The following NT5DC1 variants were observed in gnomAD, a reference collection of about 807,000 sequenced individuals.
The protein encoded by NT5DC1 is 5'-nucleotidase domain-containing protein 1.
A neutral mutation model predicts 59.4 loss-of-function variants in NT5DC1; 42 were observed. The observed-to-expected ratio is 0.71, with a 90% CI of 0.55 to 0.92. The LOEUF (loss-of-function observed/expected upper bound fraction) is 0.92. Among genes scored for constraint, NT5DC1 ranks in the 40% least tolerant of loss-of-function variants. NT5DC1 has a pLI of 0.00. For missense variants in NT5DC1, 501 were observed against 537.1 expected, an observed-to-expected ratio of 0.93 and a Z score of 0.66; for synonymous variants, 172 against 188.1, an observed-to-expected ratio of 0.91 and a Z score of 0.70.
At chr6:116,184,271 T>A (rs1780945770) in intron 6 of NT5DC1, among the ~76,000 whole-genome samples, 1 of 152,100 alleles carries the variant, frequency 6.6e-6, no homozygotes, top group African/African-American at 2.4e-5. Context: ...TGATTGATAA[T>A]CTTTTTGACA....
Position 116,244,045 on chromosome 6 carries a change from A to G in NT5DC1, c.*21A>G, listed in dbSNP as rs1473420041. On this transcript the variant is annotated 3_prime_UTR_variant, in exon 12 of 12. Transcript: ENST00000319550. The stretch of plus-strand genomic sequence containing the variant: ...AATAAGTTGTCTTTACTGAAAAATG[A>G]AGTGAAGACCCATATATGCAGTTAA... 18 of 989,226 alleles carry G rather than the reference A, an allele frequency of 1.8e-5. 1 individual carries two copies. In the East Asian group the frequency reaches 4.4e-4, roughly 24 times the overall value. The allele number at this position is 989,226 out of a possible 1,614,324, so 61.3% of individuals were successfully genotyped here.
chr6:116,244,855 AG>A lies in NT5DC1; in HGVS notation c.*833del, dbSNP rs1304562048. The A allele has an allele frequency of 6.6e-6, 1 of 152,214 alleles. No homozygotes were observed. Among genetic ancestry groups the A allele is most frequent in the Non-Finnish European group, 1.5e-5 (1 of 68,028 alleles). The allele number at this position is 152,214 out of a possible 1,614,324, so 9.4% of individuals were successfully genotyped here. A position where few individuals can be genotyped will look rare whatever the true frequency, so the allele number is the denominator to read the frequency against. On this transcript the variant is annotated 3_prime_UTR_variant, in exon 12 of 12. Coordinates refer to ENST00000319550, the MANE Select transcript of NT5DC1 (RefSeq NM_152729.3). ...CTAGGTTTTTTTCTAATAATGTTAA[AG>A]GCTATTTAATTTATTTAATCAACTT...
At chr6:116,215,517 T>C (rs1158691805) in intron 6 of NT5DC1, among the ~76,000 whole-genome samples, 1 of 152,120 alleles carries the variant, frequency 6.6e-6, no homozygotes, top group African/African-American at 2.4e-5. Flanking sequence ...CCAGATATTA[T>C]TGTATGTGAT....
intron 6 of NT5DC1, among the ~76,000 whole-genome samples, chr6:116,163,443 G>C (rs958263695): frequency 6.6e-6 from 1 of 151,790 alleles, no homozygotes; most frequent in African/African-American, 2.4e-5. Context: ...ATGATGTTTC[G>C]TATTTCTGTG....
At position 116,151,082 on chromosome 6, in the gene NT5DC1, A is replaced by G. The variant is rs184831430; in HGVS notation, c.529+33137A>G. ...TCTCTGAGTTTTTATTTTTTTGTGAATTTGCTCAGGGATTAGAATTTGCAG... is the reference window on the plus strand; with the variant it reads ...TCTCTGAGTTTTTATTTTTTTGTGAGTTTGCTCAGGGATTAGAATTTGCAG... On this transcript the variant is annotated intron_variant, in intron 6 of 11. Transcript: ENST00000319550. Among the ~76,000 whole-genome samples, 594 of 152,058 alleles carry G rather than the reference A, an allele frequency of 3.9e-3. 3 individuals are homozygous for G. The highest frequency in any genetic ancestry group is 6.4e-3 in the Admixed American group (98 of 15,254).
intron 5 of NT5DC1, among the ~76,000 whole-genome samples, 186 bp downstream of exon 5, chr6:116,115,956 T>A (rs1778955362): frequency 6.7e-6 from 1 of 148,836 alleles, no homozygotes; most frequent in Admixed American, 6.7e-5. Flanking sequence ...AGCAGTGACC[T>A]TTTTTTTTTC....
At chr6:116,114,194 A>G (rs551198290) in intron 4 of NT5DC1, among the ~76,000 whole-genome samples, 1 of 152,326 alleles carries the variant, frequency 6.6e-6, no homozygotes, top group South Asian at 2.1e-4. Context: ...AATATTTTTA[A>G]CTGAGAGAAT....
chr6:116,143,020 G>A (rs1261715674), intron 6 of NT5DC1, among the ~76,000 whole-genome samples: 2 of 152,164 alleles, frequency 1.3e-5, no homozygotes, highest in Non-Finnish European at 2.9e-5. Context: ...TTATTTGGAA[G>A]AAGACTATGG....
chr6:116,163,081 C>G (rs573139203), intron 6 of NT5DC1, among the ~76,000 whole-genome samples: 13 of 141,396 alleles, frequency 9.2e-5, no homozygotes, highest in Non-Finnish European at 1.9e-4. Flanking sequence ...GAGCCGAGAT[C>G]GTGCCACTGC....
chr6:116,224,979 T>C (rs1781879629), intron 8 of NT5DC1, among the ~76,000 whole-genome samples: 1 of 152,102 alleles, frequency 6.6e-6, no homozygotes, highest in African/African-American at 2.4e-5. Context: ...TACATTTAAA[T>C]ACATTATGGA....
chr6:116,238,401 G>A (rs1474508897), intron 10 of NT5DC1, 53 bp downstream of exon 10: 2 of 1,311,464 alleles, frequency 1.5e-6, no homozygotes, highest in East Asian at 5.5e-5. Flanking sequence ...ATGTTTGAAA[G>A]CTAAAGTATC....
At chr6:116,183,182 G>A (rs1221312106) in intron 6 of NT5DC1, among the ~76,000 whole-genome samples, 3 of 152,046 alleles carry the variant, frequency 2.0e-5, no homozygotes, top group Admixed American at 1.3e-4. Flanking sequence ...TCAGTAGGCT[G>A]TAAGTATTTG....
At chr6:116,225,933 G>A (rs1781897945) in intron 8 of NT5DC1, among the ~76,000 whole-genome samples, 1 of 152,152 alleles carries the variant, frequency 6.6e-6, no homozygotes, top group Non-Finnish European at 1.5e-5. Context: ...CGCAACTTTG[G>A]AGGGGGGTGG....
intron 6 of NT5DC1, among the ~76,000 whole-genome samples, chr6:116,209,111 T>G (rs1282211165): frequency 6.6e-6 from 1 of 152,022 alleles, no homozygotes; most frequent in African/African-American, 2.4e-5. Flanking sequence ...GCATTATATA[T>G]AACTAATTGT....
intron 11 of NT5DC1, among the ~76,000 whole-genome samples, chr6:116,239,972 T>C (rs889429306): frequency 2.6e-5 from 4 of 152,156 alleles, no homozygotes; most frequent in Non-Finnish European, 4.4e-5. Flanking sequence ...AATTTAAATA[T>C]TTAAAAAATG....
chr6:116,109,651 T>C (rs956602736), intron 3 of NT5DC1, among the ~76,000 whole-genome samples: 7 of 152,226 alleles, frequency 4.6e-5, no homozygotes, highest in East Asian at 3.8e-4. Flanking sequence ...TGTAGTAGAT[T>C]CCTTTTCTGA....
At chr6:116,234,111 C>T (rs1416227747) in intron 8 of NT5DC1, among the ~76,000 whole-genome samples, 1 of 151,148 alleles carries the variant, frequency 6.6e-6, no homozygotes, top group East Asian at 2.0e-4. Context: ...CAGGCACGCA[C>T]CACCATGCCC....
intron 6 of NT5DC1, among the ~76,000 whole-genome samples, chr6:116,130,212 G>A (rs915513524): frequency 3.9e-5 from 6 of 152,112 alleles, no homozygotes; most frequent in Non-Finnish European, 7.4e-5. Context: ...AAAAGCAGGA[G>A]AAATGCCTTT....
chr6:116,157,868 G>A (rs771320545), intron 6 of NT5DC1, among the ~76,000 whole-genome samples: 19 of 152,116 alleles, frequency 1.2e-4, no homozygotes, highest in Non-Finnish European at 2.4e-4. Flanking sequence ...CCCTTGTATT[G>A]TACGTCTTTT....
Sources: allele counts gnomAD v4.1 joint callset (sites outside exome capture counted in the v4.1 genomes callset), GRCh38; gene constraint gnomAD v4.1.1; transcripts MANE v1.5; gene names NCBI Gene and HGNC (gene_info 2026-07-23, HGNC 2026-07-21).